Variants in FOXP2 observed in about 807,000 individuals in gnomAD.
The protein encoded by FOXP2 is forkhead box protein P2.
In FOXP2, 12 loss-of-function variants were observed where a neutral mutation model predicts 115.8. The ratio of observed to expected loss-of-function variants is 0.10; its 90% CI spans 0.07 to 0.17. FOXP2 has a LOEUF of 0.17. FOXP2 is among the 10% of genes least tolerant of loss of function. The pLI is 1.00. For missense variants in FOXP2, 629 were observed against 843.5 expected (o/e 0.75, Z 3.15); for synonymous variants, 328 against 297.7 (o/e 1.10, Z -1.05).
chr7:114,209,729 C>T (rs1449484735), intron 1 of FOXP2, among the ~76,000 whole-genome samples: 1 of 152,104 alleles, frequency 6.6e-6, no homozygotes, highest in African/African-American at 2.4e-5. Flanking sequence ...TTGATGGCAT[C>T]CTGAAGTATG....
intron 16 of FOXP2, among the ~76,000 whole-genome samples, chr7:114,686,651 G>A (rs1808378991): frequency 1.3e-5 from 2 of 151,994 alleles, no homozygotes; most frequent in Admixed American, 6.6e-5. Flanking sequence ...CTCAAGATTG[G>A]TAAACATTTT....
intron 2 of FOXP2, among the ~76,000 whole-genome samples, chr7:114,463,523 T>A (rs1393482188): frequency 6.6e-6 from 1 of 152,136 alleles, no homozygotes; most frequent in Non-Finnish European, 1.5e-5. Flanking sequence ...ACAGTGAAGA[T>A]CAAGACCATT....
intron 2 of FOXP2, among the ~76,000 whole-genome samples, chr7:114,398,000 T>A (rs1314151377): frequency 6.6e-6 from 1 of 152,070 alleles, no homozygotes; most frequent in African/African-American, 2.4e-5. Context: ...TTTCTTTTTT[T>A]CTCTCTTGAG....
intron 3 of FOXP2, among the ~76,000 whole-genome samples, chr7:114,541,825 A>G (rs755925534): frequency 2.0e-5 from 3 of 151,582 alleles, no homozygotes; most frequent in Non-Finnish European, 4.4e-5. Context: ...TTTTAAGTAT[A>G]TATTCCCTTG....
At chr7:114,246,961 A>G (rs941942850) in intron 1 of FOXP2, among the ~76,000 whole-genome samples, 1 of 152,182 alleles carries the variant, frequency 6.6e-6, no homozygotes, top group African/African-American at 2.4e-5. Flanking sequence ...TTTCAGGACT[A>G]TATTTTAATA....
intron 2 of FOXP2, among the ~76,000 whole-genome samples, chr7:114,527,828 A>G (rs1798947217): frequency 6.6e-6 from 1 of 152,116 alleles, no homozygotes; most frequent in South Asian, 2.1e-4. Context: ...AAGTTGTGCC[A>G]GCTCTTCTTT....
intron 3 of FOXP2, among the ~76,000 whole-genome samples, chr7:114,554,833 A>C (rs1800380741): frequency 1.3e-5 from 2 of 152,048 alleles, no homozygotes; most frequent in African/African-American, 4.8e-5. Context: ...TTAAATTCTA[A>C]TTTTGGTGTT....
At chr7:114,576,341 G>A (rs1801575036) in intron 3 of FOXP2, among the ~76,000 whole-genome samples, 1 of 151,770 alleles carries the variant, frequency 6.6e-6, no homozygotes, top group Non-Finnish European at 1.5e-5. Flanking sequence ...CCTGATCTCA[G>A]TTTGTTCTAG....
intron 3 of FOXP2, among the ~76,000 whole-genome samples, chr7:114,558,178 C>CTAA (rs1378256083): frequency 2.0e-5 from 3 of 151,986 alleles, no homozygotes; most frequent in Non-Finnish European, 4.4e-5. Context: ...TAATAAAACA[C>CTAA]GTATGAAGTC....
intron 1 of FOXP2, among the ~76,000 whole-genome samples, chr7:114,214,022 A>G (rs2129162311): frequency 6.6e-6 from 1 of 152,342 alleles, no homozygotes; most frequent in Admixed American, 6.5e-5. Context: ...AAATTTCTGT[A>G]GGATACACTT....
intron 2 of FOXP2, among the ~76,000 whole-genome samples, chr7:114,436,569 C>A (rs1413994078): frequency 6.6e-6 from 1 of 151,234 alleles, no homozygotes; most frequent in Non-Finnish European, 1.5e-5. Flanking sequence ...GTATTAGGCA[C>A]TTTGCTAGAC....
At chr7:114,480,722 C>T (rs947819500) in intron 2 of FOXP2, among the ~76,000 whole-genome samples, 3 of 149,830 alleles carry the variant, frequency 2.0e-5, no homozygotes, top group East Asian at 2.0e-4. Flanking sequence ...CATGTATATA[C>T]ATATACACGT....
chr7:114,641,678 T>A (rs1001615880), intron 6 of FOXP2, among the ~76,000 whole-genome samples: 2 of 152,046 alleles, frequency 1.3e-5, no homozygotes, highest in African/African-American at 4.8e-5. Context: ...TATTTTGAAA[T>A]CTGTTTCTCT....
intron 1 of FOXP2, among the ~76,000 whole-genome samples, chr7:114,252,245 A>G (rs1795466708): frequency 6.6e-6 from 1 of 152,100 alleles, no homozygotes; most frequent in South Asian, 2.1e-4. Context: ...ATATTGGTCT[A>G]AAATTCTCTT....
intron 2 of FOXP2, among the ~76,000 whole-genome samples, chr7:114,378,484 A>G (rs1424447383): frequency 1.3e-5 from 2 of 151,754 alleles, no homozygotes. Context: ...GGGAGTTTGA[A>G]ACCAGTCTGG....
intron 2 of FOXP2, among the ~76,000 whole-genome samples, chr7:114,363,573 A>C (rs1791803192): frequency 6.6e-6 from 1 of 152,168 alleles, no homozygotes; most frequent in Admixed American, 6.5e-5. Flanking sequence ...ACAAATATGC[A>C]CAGAGATATA....
rs1356358985 is a variant in FOXP2, at chr7:114,691,413, C to G, written c.*1487C>G. ...GTAGTCCATGGTATTTATTTTCAGT[C>G]AAACCAAAGTTACATATAATTCTGC... On this transcript the variant is annotated 3_prime_UTR_variant, in exon 17 of 17. Transcript: ENST00000350908. 1 of 453,930 alleles carries G rather than the reference C, an allele frequency of 2.2e-6. No individual in the cohort carries two copies. Among genetic ancestry groups the G allele is most frequent in the South Asian group, 1.6e-5 (1 of 64,460 alleles). The allele number at this position is 453,930 out of a possible 1,614,324, so 28.1% of individuals were successfully genotyped here.
chr7:114,569,015 T>C (rs1381346257), intron 3 of FOXP2, among the ~76,000 whole-genome samples: 1 of 151,952 alleles, frequency 6.6e-6, no homozygotes, highest in Non-Finnish European at 1.5e-5. Context: ...TTATAGAGTT[T>C]AATTTTCAGT....
At chr7:114,528,902 A>G (rs1003488920) in intron 2 of FOXP2, among the ~76,000 whole-genome samples, 1 of 151,994 alleles carries the variant, frequency 6.6e-6, no homozygotes, top group African/African-American at 2.4e-5. Flanking sequence ...TATTATAGTT[A>G]CTGGAACATG....
Sources: gnomAD v4.1 joint callset for allele counts (sites outside exome capture counted in the v4.1 genomes callset) on GRCh38, gnomAD v4.1.1 for gene constraint, MANE v1.5 for transcripts, NCBI Gene and HGNC (gene_info 2026-07-23, HGNC 2026-07-21) for gene names.